The following TMEM45A variants were observed in gnomAD, a reference collection of about 807,000 sequenced individuals.
The protein encoded by TMEM45A is DNA polymerase-transactivated protein 4.
In TMEM45A, 25 loss-of-function variants were observed where a neutral mutation model predicts 32.0. The ratio of observed to expected loss-of-function variants is 0.78; its 90% CI spans 0.57 to 1.09. TMEM45A has a LOEUF of 1.09. TMEM45A is among the 50% of genes least tolerant of loss of function. The pLI is 0.00. For missense variants in TMEM45A, 302 were observed against 325.0 expected, an observed-to-expected ratio of 0.93 and a Z score of 0.54; for synonymous variants, 122 against 114.8, an observed-to-expected ratio of 1.06 and a Z score of -0.40.
At chr3:100,503,999 T>A (rs900754937) in intron 1 of TMEM45A, among the ~76,000 whole-genome samples, 2 of 152,192 alleles carry the variant, frequency 1.3e-5, no homozygotes, top group Admixed American at 6.5e-5. Context: ...GTGCTCAGGT[T>A]TAATGCAGGT....
chr3:100,519,565 T>C lies in TMEM45A; in HGVS notation c.-4+26637T>C, dbSNP rs1364163457. On this transcript the variant is annotated intron_variant, in intron 1 of 5. Coordinates refer to ENST00000323523, the MANE Select transcript of TMEM45A (RefSeq NM_018004.3). ...GTGCCTGATCTACTGAGACCAAGGA[T>C]GACCAATGACTCAGAAGGGAAAATG... The C allele has an allele frequency of 2.6e-6, 4 of 1,551,084 alleles. No homozygotes were observed. In the South Asian group the frequency reaches 4.8e-5, roughly 18 times the overall value.
intron 5 of TMEM45A, among the ~76,000 whole-genome samples, chr3:100,570,296 T>C (rs956599975): frequency 3.3e-5 from 5 of 152,234 alleles, no homozygotes; most frequent in African/African-American, 1.2e-4. Context: ...CCCTTCTCTT[T>C]AGACATGGAC....
At chr3:100,513,069 C>G (rs1466873324) in intron 1 of TMEM45A, among the ~76,000 whole-genome samples, 1 of 149,194 alleles carries the variant, frequency 6.7e-6, no homozygotes, top group South Asian at 2.1e-4. Flanking sequence ...GGTACCATTC[C>G]TTCTGAAACT....
chr3:100,564,474 G>GAT (rs1553685178), intron 4 of TMEM45A, among the ~76,000 whole-genome samples: 1 of 142,898 alleles, frequency 7.0e-6, no homozygotes, highest in Non-Finnish European at 1.5e-5. Context: ...TATTATTATT[G>GAT]TTTTTTTTTT....
At chr3:100,552,469 T>C (rs1439200339) in intron 1 of TMEM45A, among the ~76,000 whole-genome samples, 1 of 152,224 alleles carries the variant, frequency 6.6e-6, no homozygotes, top group Non-Finnish European at 1.5e-5. Context: ...AGGGGATCAA[T>C]GTTAGACAAC....
At chr3:100,558,302 A>G (rs1706262784) in intron 3 of TMEM45A, 103 bp from the exon 4 acceptor site, 3 of 1,405,774 alleles carry the variant, frequency 2.1e-6, no homozygotes, top group Non-Finnish European at 2.9e-6. Flanking sequence ...TTTTGGACAA[A>G]TGTGTGTATG....
chr3:100,565,154 C>G (rs1183112232), intron 4 of TMEM45A, among the ~76,000 whole-genome samples: 1 of 152,158 alleles, frequency 6.6e-6, no homozygotes, highest in Non-Finnish European at 1.5e-5. Context: ...GAGTTCCAAT[C>G]TTTTCCTACG....
chr3:100,519,969 C>A (rs1470387572), intron 1 of TMEM45A, among the ~76,000 whole-genome samples: 1 of 152,146 alleles, frequency 6.6e-6, no homozygotes, highest in African/African-American at 2.4e-5. Context: ...TTTTATCCAT[C>A]CTTCCCATCC....
chr3:100,533,034 G>C (rs1189164833), intron 1 of TMEM45A, among the ~76,000 whole-genome samples: 1 of 151,944 alleles, frequency 6.6e-6, no homozygotes, highest in Admixed American at 6.6e-5. Context: ...TTTAAAGTGG[G>C]GATAATAATT....
intron 1 of TMEM45A, among the ~76,000 whole-genome samples, chr3:100,550,190 C>T (rs1450267208): frequency 1.8e-5 from 2 of 113,164 alleles, no homozygotes; most frequent in African/African-American, 6.7e-5. Context: ...AAACTTAAAG[C>T]ATAATAAAAA....
intron 1 of TMEM45A, among the ~76,000 whole-genome samples, chr3:100,542,655 T>C (rs74454585): frequency 0.1 from 15,759 of 152,126 alleles, 2,732 homozygotes; most frequent in African/African-American, 0.36. Context: ...GCTCACTGGA[T>C]TGGATAAAGA....
chr3:100,534,706 T>A (rs1705708936), intron 1 of TMEM45A, among the ~76,000 whole-genome samples: 1 of 152,210 alleles, frequency 6.6e-6, no homozygotes, highest in African/African-American at 2.4e-5. Context: ...AGTGGGAAAT[T>A]AAACCAGGGG....
chr3:100,505,632 G>C (rs555493055), intron 1 of TMEM45A, among the ~76,000 whole-genome samples: 20 of 152,314 alleles, frequency 1.3e-4, no homozygotes, highest in Admixed American at 5.2e-4. Flanking sequence ...CTGGTATTGA[G>C]TGCAAAGAGT....
intron 1 of TMEM45A, among the ~76,000 whole-genome samples, chr3:100,547,721 T>G (rs1331695834): frequency 6.6e-6 from 1 of 152,128 alleles, no homozygotes; most frequent in Non-Finnish European, 1.5e-5. Context: ...TGAGTTGTTT[T>G]AATGATAAAC....
chr3:100,517,088 A>G (rs1311000466), intron 1 of TMEM45A, among the ~76,000 whole-genome samples: 1 of 150,968 alleles, frequency 6.6e-6, no homozygotes, highest in East Asian at 1.9e-4. Flanking sequence ...CATGAGGCAT[A>G]TTGCCAGACG....
intron 1 of TMEM45A, among the ~76,000 whole-genome samples, chr3:100,521,869 A>G (rs1705442512): frequency 9.2e-5 from 14 of 152,214 alleles, no homozygotes. Context: ...ACTGTGAAGT[A>G]TATTTCTGCC....
intron 1 of TMEM45A, among the ~76,000 whole-genome samples, chr3:100,533,593 C>T (rs1705689516): frequency 6.6e-6 from 1 of 152,160 alleles, no homozygotes; most frequent in African/African-American, 2.4e-5. Context: ...CCCATCACAA[C>T]CAGGCAGGGC....
At chr3:100,557,315 AG>A (rs1266047356) in intron 3 of TMEM45A, among the ~76,000 whole-genome samples, 1 of 152,222 alleles carries the variant, frequency 6.6e-6, no homozygotes, top group Non-Finnish European at 1.5e-5. Flanking sequence ...AGAATAATAA[AG>A]CATGAATACA....
intron 1 of TMEM45A, among the ~76,000 whole-genome samples, chr3:100,500,516 C>T (rs566541510): frequency 3.1e-4 from 47 of 152,332 alleles, no homozygotes; most frequent in African/African-American, 1.1e-3. Context: ...CTCTTGGCTC[C>T]TCTCTGTGAG....
Sources: allele counts gnomAD v4.1 joint callset (sites outside exome capture counted in the v4.1 genomes callset), GRCh38; gene constraint gnomAD v4.1.1; transcripts MANE v1.5; gene names NCBI Gene and HGNC (gene_info 2026-07-23, HGNC 2026-07-21).